Variants in CPED1 observed in about 807,000 individuals in gnomAD.
CPED1 encodes cadherin-like and PC-esterase domain-containing protein 1.
A neutral mutation model predicts 128.2 loss-of-function variants in CPED1; 114 were observed. The ratio of observed to expected loss-of-function variants is 0.89; its 90% CI spans 0.76 to 1.04. The LOEUF (loss-of-function observed/expected upper bound fraction) is 1.04, where lower values mean the gene tolerates loss of function less well. Ranked by LOEUF, CPED1 falls within the 50% of genes least tolerant of loss-of-function variation. The pLI, the probability that CPED1 is intolerant of heterozygous loss-of-function variation, is 0.00. For synonymous variants in CPED1, 462 were observed against 426.7 expected (o/e 1.08, Z -1.02); for missense variants, 1,211 against 1,207.1 (o/e 1.00, Z -0.05).
At chr7:121,181,956 G>C (rs1477564770) in intron 16 of CPED1, among the ~76,000 whole-genome samples, 1 of 152,034 alleles carries the variant, frequency 6.6e-6, no homozygotes, top group Non-Finnish European at 1.5e-5. Context: ...GAGGAAACTA[G>C]TACCTGGAAA....
intron 16 of CPED1, among the ~76,000 whole-genome samples, chr7:121,194,041 TATATATA>T (rs199736319): frequency 3.7e-4 from 42 of 113,122 alleles, no homozygotes; most frequent in African/African-American, 1.1e-3. Flanking sequence ...TATATATATA[TATATATA>T]TTTTTTTTTT....
In CPED1 at chr7:121,256,140, A is replaced by C. The variant is rs1358801307; in HGVS notation, c.2311-10087A>C. Reference sequence around the variant, plus strand: ...AAAAAAAAACAAAACAAAAAAAAAAAACAAAGCTTATGCCAAAGACATAAC... The same window carrying C: ...AAAAAAAAACAAAACAAAAAAAAAACACAAAGCTTATGCCAAAGACATAAC... On this transcript the variant is annotated intron_variant, in intron 18 of 22. Transcript: ENST00000310396. Among the ~76,000 whole-genome samples the C allele has an allele frequency of 6.8e-5, 10 of 146,950 alleles. No homozygotes were observed. The South Asian group carries it at 2.1e-3, about 31-fold the overall frequency.
At chr7:121,226,045 G>A (rs1401656468) in intron 16 of CPED1, among the ~76,000 whole-genome samples, 2 of 152,084 alleles carry the variant, frequency 1.3e-5, no homozygotes. Context: ...GTGATCCTTT[G>A]GAGGAGAAGA....
At chr7:121,098,807 T>C (rs7456216) in intron 6 of CPED1, among the ~76,000 whole-genome samples, 2,567 of 141,572 alleles carry the variant, frequency 0.018, 93 homozygotes, top group African/African-American at 0.064. Context: ...TATATAAATA[T>C]ATAAATAATA....
intron 4 of CPED1, among the ~76,000 whole-genome samples, chr7:121,054,058 C>T (rs532986788): frequency 6.6e-6 from 1 of 152,162 alleles, no homozygotes; most frequent in Non-Finnish European, 1.5e-5. Flanking sequence ...TATCCAGGAA[C>T]CCCATTCCTG....
chr7:121,093,663 G>T (rs1794629939), intron 5 of CPED1, among the ~76,000 whole-genome samples: 1 of 152,114 alleles, frequency 6.6e-6, no homozygotes, highest in Non-Finnish European at 1.5e-5. Context: ...AATATTTGTT[G>T]CCAGGCTCCT....
chr7:121,088,760 T>C (rs1244207274), intron 5 of CPED1, among the ~76,000 whole-genome samples: 7 of 12,088 alleles, frequency 5.8e-4, no homozygotes, highest in African/African-American at 1.7e-3. Context: ...AGGCAAAAAT[T>C]GGCAAAAAAA....
intron 22 of CPED1, among the ~76,000 whole-genome samples, chr7:121,280,229 A>G (rs1792432216): frequency 6.6e-6 from 1 of 152,230 alleles, no homozygotes; most frequent in Non-Finnish European, 1.5e-5. Context: ...GGTCATTCCA[A>G]TAGTGTAAAA....
chr7:121,073,036 T>C (rs1283182121), intron 5 of CPED1, among the ~76,000 whole-genome samples: 1 of 152,140 alleles, frequency 6.6e-6, no homozygotes, highest in African/African-American at 2.4e-5. Flanking sequence ...TTAGAAGCAC[T>C]GACACCTCGT....
intron 21 of CPED1, among the ~76,000 whole-genome samples, chr7:121,267,781 C>T (rs1412865810): frequency 6.6e-6 from 1 of 151,974 alleles, no homozygotes; most frequent in African/African-American, 2.4e-5. Flanking sequence ...TGCTCTTGCT[C>T]AAGTGAAGGG....
At chr7:121,191,260 C>T (rs1194666791) in intron 16 of CPED1, among the ~76,000 whole-genome samples, 1 of 152,030 alleles carries the variant, frequency 6.6e-6, no homozygotes, top group East Asian at 1.9e-4. Context: ...TAGAGTTTAA[C>T]AAATAGTTTG....
At chr7:121,193,038 T>C (rs1797181921) in intron 16 of CPED1, among the ~76,000 whole-genome samples, 1 of 152,144 alleles carries the variant, frequency 6.6e-6, no homozygotes. Context: ...ACCAAGAGCA[T>C]ATAGAACTCT....
rs549686931 is a variant in CPED1, at chr7:121,126,347, T to A, written c.1134+455T>A. 6.4e-4 allele frequency among the ~76,000 whole-genome samples: 98 copies of A among 152,258 alleles called. 1 individual carries two copies. The highest frequency in any genetic ancestry group is 2.2e-3 in the African/African-American group (91 of 41,572). Reference sequence around the variant, plus strand: ...TGAATTTTTTTTTCTGATATAGATATGTGTAGAGTGAAGTGTTTTTGCCCA... The same window carrying A: ...TGAATTTTTTTTTCTGATATAGATAAGTGTAGAGTGAAGTGTTTTTGCCCA... On this transcript the variant is annotated intron_variant, in intron 9 of 22. Coordinates refer to ENST00000310396, the MANE Select transcript of CPED1 (RefSeq NM_024913.5).
At chr7:121,106,975 C>G (rs1257831523) in intron 7 of CPED1, among the ~76,000 whole-genome samples, 3 of 152,080 alleles carry the variant, frequency 2.0e-5, no homozygotes, top group Non-Finnish European at 4.4e-5. Context: ...TTTCAAAGCA[C>G]TTTAAGCGTC....
intron 18 of CPED1, among the ~76,000 whole-genome samples, chr7:121,258,307 A>G (rs549616631): frequency 8.9e-4 from 135 of 152,214 alleles, no homozygotes; most frequent in African/African-American, 3.1e-3. Flanking sequence ...TGATCCTTCA[A>G]GGTGCTCAGT....
At chr7:121,008,794 A>G (rs188763434) in intron 2 of CPED1, among the ~76,000 whole-genome samples, 35 of 152,316 alleles carry the variant, frequency 2.3e-4, no homozygotes, top group African/African-American at 7.7e-4. Context: ...GAACCTGGAT[A>G]GGGTGCTTCA....
intron 17 of CPED1, among the ~76,000 whole-genome samples, chr7:121,238,705 T>G (rs1798317656): frequency 6.6e-6 from 1 of 150,940 alleles, no homozygotes; most frequent in Non-Finnish European, 1.5e-5. Context: ...CTGATCATTT[T>G]TCTTTTTATG....
intron 18 of CPED1, among the ~76,000 whole-genome samples, chr7:121,252,032 C>A (rs1033730087): frequency 2.0e-5 from 3 of 151,484 alleles, no homozygotes; most frequent in Non-Finnish European, 2.9e-5. Context: ...AAGAACAAAG[C>A]TGGAGGCATC....
At chr7:121,144,597 A>C (rs1182652818) in intron 16 of CPED1, among the ~76,000 whole-genome samples, 1 of 151,926 alleles carries the variant, frequency 6.6e-6, no homozygotes, top group Admixed American at 6.6e-5. Flanking sequence ...TAGAAGGAAT[A>C]AGGTCTAATG....
Sources: allele counts gnomAD v4.1 joint callset (sites outside exome capture counted in the v4.1 genomes callset), GRCh38; gene constraint gnomAD v4.1.1; transcripts MANE v1.5; gene names NCBI Gene and HGNC (gene_info 2026-07-23, HGNC 2026-07-21).